ASIC2: variants seen among roughly 807,000 people sequenced by gnomAD.
ASIC2 encodes acid sensing ion channel subunit 2.
Under a neutral mutation model 57.3 loss-of-function variants are expected in ASIC2, and 25 were observed. The ratio of observed to expected loss-of-function variants is 0.44; its 90% CI spans 0.32 to 0.61. ASIC2 has a LOEUF of 0.61. Among genes scored for constraint, ASIC2 ranks in the 20% least tolerant of loss-of-function variants. The probability of loss-of-function intolerance (pLI) is 0.06; values close to 1 mark genes in which losing one functional copy is unlikely to be tolerated. For missense variants in ASIC2, 641 were observed against 738.1 expected, an observed-to-expected ratio of 0.87 and a Z score of 1.52; for synonymous variants, 319 against 307.5, an observed-to-expected ratio of 1.04 and a Z score of -0.39.
intron 1 of ASIC2, among the ~76,000 whole-genome samples, chr17:33,915,550 G>A (rs1452535876): frequency 7.2e-5 from 11 of 152,046 alleles, no homozygotes; most frequent in Admixed American, 2.0e-4. Context: ...GCTACAGCCC[G>A]TTTTTCTGCT....
intron 1 of ASIC2, among the ~76,000 whole-genome samples, chr17:33,337,286 T>C (rs903891787): frequency 1.3e-5 from 2 of 152,196 alleles, no homozygotes; most frequent in Non-Finnish European, 2.9e-5. Flanking sequence ...CTACCATTCA[T>C]TGAGTCCTGC....
intron 1 of ASIC2, among the ~76,000 whole-genome samples, chr17:33,739,929 A>G (rs1446092443): frequency 6.6e-5 from 10 of 150,686 alleles, no homozygotes; most frequent in African/African-American, 2.4e-4. Context: ...AAAAAGAAAG[A>G]AAAAAGAGAA....
intron 1 of ASIC2, chr17:33,984,487 T>C (rs1479689653): frequency 6.6e-6 from 1 of 152,230 alleles, no homozygotes; most frequent in Non-Finnish European, 1.5e-5. Context: ...TAGTTTCTAT[T>C]ATTAGAGCCT....
chr17:33,515,643 G>A (rs1346901242), intron 1 of ASIC2, among the ~76,000 whole-genome samples: 1 of 152,080 alleles, frequency 6.6e-6, no homozygotes, highest in Non-Finnish European at 1.5e-5. Context: ...TCTGACCCAC[G>A]GCTTCTGCTT....
At chr17:34,136,404 A>G (rs1387215616) in intron 1 of ASIC2, among the ~76,000 whole-genome samples, 1 of 152,170 alleles carries the variant, frequency 6.6e-6, no homozygotes, top group African/African-American at 2.4e-5. Flanking sequence ...GACATTTACT[A>G]TCCATTATCT....
intron 1 of ASIC2, among the ~76,000 whole-genome samples, chr17:33,945,512 A>T (rs2141981564): frequency 6.6e-6 from 1 of 152,288 alleles, no homozygotes; most frequent in Non-Finnish European, 1.5e-5. Context: ...ATGGGCAGCA[A>T]TGTTGCTAAC....
At chr17:33,930,302 G>A (rs1915904534) in intron 1 of ASIC2, among the ~76,000 whole-genome samples, 1 of 152,176 alleles carries the variant, frequency 6.6e-6, no homozygotes, top group Non-Finnish European at 1.5e-5. Flanking sequence ...GGGCCTCAAA[G>A]GCCGTATATT....
At chr17:33,850,215 C>A (rs531373880) in intron 1 of ASIC2, among the ~76,000 whole-genome samples, 28 of 152,280 alleles carry the variant, frequency 1.8e-4, no homozygotes, top group Admixed American at 3.3e-4. Flanking sequence ...GGGAGTGATG[C>A]AGGCCGACAA....
At chr17:33,191,748 G>A (rs906219588) in intron 1 of ASIC2, among the ~76,000 whole-genome samples, 2 of 152,100 alleles carry the variant, frequency 1.3e-5, no homozygotes, top group African/African-American at 4.8e-5. Context: ...CTCACAATCC[G>A]TCTTACAAAC....
intron 1 of ASIC2, among the ~76,000 whole-genome samples, chr17:33,241,643 C>A (rs1463273561): frequency 6.6e-6 from 1 of 152,310 alleles, no homozygotes; most frequent in African/African-American, 2.4e-5. Flanking sequence ...GGAAAGAGGA[C>A]TGTATTTATG....
At chr17:33,707,482 C>A (rs905533056) in intron 1 of ASIC2, among the ~76,000 whole-genome samples, 5 of 151,980 alleles carry the variant, frequency 3.3e-5, no homozygotes, top group Non-Finnish European at 7.4e-5. Flanking sequence ...TAAATTTGTC[C>A]ATTCTATCAA....
rs75549450 is a variant in ASIC2 at position 33,488,368 on chromosome 17, C to T, written c.556-376301G>A. ...CATTTCTTCTCTGCTGGCCGACCAA[C>T]ATTACAAAAACATTTTTCAAATCAC... On this transcript the variant is annotated intron_variant, in intron 1 of 9. Coordinates refer to the ASIC2 transcript ENST00000359872. Among the ~76,000 whole-genome samples the T allele has an allele frequency of 2.5e-3, 377 of 152,328 alleles. 3 individuals carry two copies. Among genetic ancestry groups the T allele is most frequent in the Non-Finnish European group, 4.5e-3 (304 of 68,038 alleles).
At position 33,710,392 on chromosome 17, in the gene ASIC2, G is replaced by A. The variant is rs1908990775; in HGVS notation, c.555+445586C>T. On this transcript the variant is annotated intron_variant, in intron 1 of 9. Transcript: ENST00000359872. ...AAAAGCCAATCTTTGAAGTGCCGCA[G>A]GGAGCTGACTGGATAATGGAGGAAA... 2.0e-5 allele frequency among the ~76,000 whole-genome samples: 3 copies of A among 152,198 alleles called. No individual in the cohort carries two copies. In the South Asian group the frequency reaches 6.2e-4, roughly 31 times the overall value.
At chr17:33,747,671 A>G (rs1372147287) in intron 1 of ASIC2, among the ~76,000 whole-genome samples, 1 of 151,760 alleles carries the variant, frequency 6.6e-6, no homozygotes, top group Non-Finnish European at 1.5e-5. Flanking sequence ...CCCAACTTCC[A>G]TTTTTCTCCC....
chr17:33,040,450 A>C (rs931842624), intron 3 of ASIC2, among the ~76,000 whole-genome samples: 25 of 152,334 alleles, frequency 1.6e-4, no homozygotes, highest in Non-Finnish European at 2.4e-4. Context: ...TATCTGCTCC[A>C]CTAAATCAGG....
intron 1 of ASIC2, among the ~76,000 whole-genome samples, chr17:33,508,748 G>A (rs1486908190): frequency 1.3e-5 from 2 of 152,090 alleles, no homozygotes; most frequent in Non-Finnish European, 2.9e-5. Context: ...TCAGTTTCTG[G>A]GTTTATCCTT....
chr17:33,145,283 C>T (rs1904512767), intron 1 of ASIC2, among the ~76,000 whole-genome samples: 1 of 152,238 alleles, frequency 6.6e-6, no homozygotes, highest in South Asian at 2.1e-4. Context: ...TGGTCCTAGA[C>T]TCCAGTTTCT....
chr17:34,045,688 T>C (rs943844020), intron 1 of ASIC2, among the ~76,000 whole-genome samples: 72 of 152,264 alleles, frequency 4.7e-4, no homozygotes, highest in Non-Finnish European at 9.0e-4. Context: ...TTAAGGGTCA[T>C]AAAGTAACAC....
rs1908803050 is a variant in ASIC2, at chr17:33,366,190, T to G, written c.556-254123A>C. Among the ~76,000 whole-genome samples the G allele has an allele frequency of 2.0e-5, 3 of 152,152 alleles. No homozygotes were observed. The South Asian group carries it at 6.2e-4, about 31-fold the overall frequency. On this transcript the variant is annotated intron_variant, in intron 1 of 9. Coordinates refer to the ASIC2 transcript ENST00000359872. ...CAAGGTCAAATTCATCATCATTGAT[T>G]CTTAGAGATGATCTTAGTAACTGTC...
Sources: gnomAD v4.1 joint callset for allele counts (sites outside exome capture counted in the v4.1 genomes callset) on GRCh38, gnomAD v4.1.1 for gene constraint, MANE v1.5 for transcripts, NCBI Gene and HGNC (gene_info 2026-07-23, HGNC 2026-07-21) for gene names.